The following E2F7 variants were observed in gnomAD, a reference collection of about 807,000 sequenced individuals.
E2F7 encodes the protein transcription factor E2F7.
A neutral mutation model predicts 81.1 loss-of-function variants in E2F7; 35 were observed. The ratio of observed to expected loss-of-function variants is 0.43; its 90% confidence interval spans 0.33 to 0.57. The LOEUF is 0.57. Ranked by LOEUF, E2F7 falls within the 20% of genes least tolerant of loss-of-function variation. The pLI is 0.04. For synonymous variants in E2F7, 416 were observed against 416.2 expected, an observed-to-expected ratio of 1.00 and a Z score of 0.01; for missense variants, 961 against 1,093.7, an observed-to-expected ratio of 0.88 and a Z score of 1.71.
chr12:77,029,684 G>T, intron 10 of E2F7, 147 bp downstream of exon 10: 1 of 1,314,664 alleles, frequency 7.6e-7, no homozygotes, highest in Non-Finnish European at 1.0e-6. Context: ...ATTTTTGGCA[G>T]AGCCACTCCA....
intron 2 of E2F7, among the ~76,000 whole-genome samples, chr12:77,060,414 T>C (rs1955068714): frequency 6.6e-6 from 1 of 152,208 alleles, no homozygotes; most frequent in Non-Finnish European, 1.5e-5. Context: ...ATAGGTAAAC[T>C]AGTTCATGCT....
Position 77,033,950 on chromosome 12 carries a change from C to A in E2F7, c.1216G>T (p.Ala406Ser), listed in dbSNP as rs776161589. 3.2e-5 allele frequency: 51 copies of A among 1,614,056 alleles called. No homozygotes were observed. Among genetic ancestry groups the A allele is most frequent in the Non-Finnish European group, 4.2e-5 (50 of 1,180,032 alleles). Residue 406 changes from alanine to serine, a missense_variant, in exon 8 of 13, where the codon GCT becomes TCT. Around this residue, in one of 3 missense-constraint regions of E2F7, gnomAD observed 587 missense variants for 620.3 expected, o/e 0.95. Transcript: ENST00000322886. ...QIQVCAKQKLARHGSFNTVQA... is the reference protein window; with the variant it reads ...QIQVCAKQKLSRHGSFNTVQA... The stretch of plus-strand genomic sequence containing the variant: ...ACTGTGTTAAAAGAACCATGGCGAG[C>A]CAGCTTCTGTTTTGCACAGACTTGA...
intron 10 of E2F7, 31 bp from the exon 11 acceptor site, chr12:77,028,169 G>A: frequency 1.3e-6 from 2 of 1,582,550 alleles, no homozygotes; most frequent in Non-Finnish European, 1.7e-6. Flanking sequence ...AAGCAAGAAA[G>A]TAAGTTAAAA....
In E2F7 at chr12:77,065,387, C is replaced by T. The variant is rs1374001804; in HGVS notation, c.-43G>A. 6.6e-6 allele frequency: 1 copy of T among 152,352 alleles called. No individual in the cohort carries two copies. The highest frequency in any genetic ancestry group is 1.5e-5 in the Non-Finnish European group (1 of 68,166). The allele number at this position is 152,352 out of a possible 1,614,324, so 9.4% of individuals were successfully genotyped here. On this transcript the variant is annotated 5_prime_UTR_variant, in exon 1 of 13. Coordinates refer to ENST00000322886, the MANE Select transcript of E2F7 (RefSeq NM_203394.3). ...GGCTTCCTGCCTCTGCAGGGACCTCCACGGACCCAAGCCGATGAGGGAAGG... is the reference window on the plus strand; with the variant it reads ...GGCTTCCTGCCTCTGCAGGGACCTCTACGGACCCAAGCCGATGAGGGAAGG...
At chr12:77,055,126 C>T (rs1357401434) in intron 3 of E2F7, among the ~76,000 whole-genome samples, 1 of 152,140 alleles carries the variant, frequency 6.6e-6, no homozygotes, top group Non-Finnish European at 1.5e-5. Context: ...TTACTACTAC[C>T]GCTACTCTAC....
At chr12:77,025,214 T>C (rs1173201734) in intron 12 of E2F7, among the ~76,000 whole-genome samples, 2 of 152,322 alleles carry the variant, frequency 1.3e-5, no homozygotes, top group Middle Eastern at 3.4e-3. Flanking sequence ...TTAGGGTAGC[T>C]TCTTTTATTG....
chr12:77,051,073 A>C (rs766910450), intron 3 of E2F7, among the ~76,000 whole-genome samples: 18 of 152,190 alleles, frequency 1.2e-4, no homozygotes, highest in Admixed American at 9.8e-4. Flanking sequence ...AGCTTGTGAG[A>C]TGTAGAAGCT....
chr12:77,031,980 T>C lies in E2F7; in HGVS notation c.1382+1070A>G, dbSNP rs532724105. Among the ~76,000 whole-genome samples the C allele has an allele frequency of 5.9e-5, 9 of 152,284 alleles. No individual in the cohort carries two copies. In the South Asian group the frequency reaches 1.9e-3, roughly 32 times the overall value. Reference sequence around the variant, plus strand: ...TCTCCATCTCCACCAATGACATCACTATCACCTGACATGCAGACATTCTTT... The same window carrying C: ...TCTCCATCTCCACCAATGACATCACCATCACCTGACATGCAGACATTCTTT... On this transcript the variant is annotated intron_variant, in intron 9 of 12. Transcript: ENST00000322886.
At chr12:77,028,769 G>A (rs147415433) in intron 10 of E2F7, among the ~76,000 whole-genome samples, 1,776 of 152,226 alleles carry the variant, frequency 0.012, 20 homozygotes, top group African/African-American at 0.04. Context: ...CACCGCGCCC[G>A]GCTGGGATTA....
intron 10 of E2F7, among the ~76,000 whole-genome samples, chr12:77,028,769 G>T (rs147415433): frequency 4.2e-4 from 64 of 152,228 alleles, no homozygotes; most frequent in African/African-American, 1.5e-3. Flanking sequence ...CACCGCGCCC[G>T]GCTGGGATTA....
chr12:77,034,604 A>C (rs577658753), intron 7 of E2F7, among the ~76,000 whole-genome samples: 36 of 152,370 alleles, frequency 2.4e-4, no homozygotes, highest in African/African-American at 8.2e-4. Flanking sequence ...GCTGCAGAAC[A>C]GTGAGATAAT....
chr12:77,025,456 A>G, intron 12 of E2F7, 102 bp downstream of exon 12: 1 of 1,353,662 alleles, frequency 7.4e-7, no homozygotes, highest in Non-Finnish European at 1.0e-6. Flanking sequence ...GTGGAGCCTG[A>G]CCTAGTGCCT....
chr12:77,036,580 T>C (rs927597934), intron 7 of E2F7, among the ~76,000 whole-genome samples: 1 of 151,496 alleles, frequency 6.6e-6, no homozygotes, highest in Non-Finnish European at 1.5e-5. Context: ...AGGAAAAAAA[T>C]CTTCAACGCA....
chr12:77,025,224 G>A (rs994163632), intron 12 of E2F7, among the ~76,000 whole-genome samples: 1 of 151,854 alleles, frequency 6.6e-6, no homozygotes. Flanking sequence ...TTCTTTTATT[G>A]ACCTAGTGAA....
At chr12:77,035,580 C>G (rs1013165680) in intron 7 of E2F7, among the ~76,000 whole-genome samples, 1 of 152,110 alleles carries the variant, frequency 6.6e-6, no homozygotes, top group African/African-American at 2.4e-5. Context: ...AAGCAAGACC[C>G]AAAAGCATCA....
At chr12:77,041,514 G>C (rs1160930977) in intron 7 of E2F7, among the ~76,000 whole-genome samples, 1 of 152,064 alleles carries the variant, frequency 6.6e-6, no homozygotes, top group South Asian at 2.1e-4. Context: ...TTCTTCAATG[G>C]TACGACCACC....
Position 77,025,789 on chromosome 12 carries a change from T to C in E2F7, c.2334A>G (p.Thr778=). 1 of 1,614,052 alleles carries C rather than the reference T, an allele frequency of 6.2e-7. No homozygotes were observed. The highest frequency in any genetic ancestry group is 8.5e-7 in the Non-Finnish European group (1 of 1,180,026). The part of the protein sequence containing the change: ...VSSTLGALPN[T]GPVNFSLPGL... ...CAGGCAAGCTGAAATTCACAGGTCCTGTGTTTGGGAGAGCACCAAGAGTAG... is the reference window on the plus strand; with the variant it reads ...CAGGCAAGCTGAAATTCACAGGTCCCGTGTTTGGGAGAGCACCAAGAGTAG... Residue 778 remains threonine (T), a synonymous_variant, in exon 12 of 13, where the codon ACA becomes ACG. Coordinates refer to ENST00000322886, the MANE Select transcript of E2F7 (RefSeq NM_203394.3).
chr12:77,064,300 CTT>C (rs1173905088), intron 2 of E2F7, among the ~76,000 whole-genome samples: 1 of 152,194 alleles, frequency 6.6e-6, no homozygotes, highest in African/African-American at 2.4e-5. Flanking sequence ...ATATTTTTGA[CTT>C]ATATAAATTG....
At chr12:77,060,513 G>A (rs1481997868) in intron 2 of E2F7, among the ~76,000 whole-genome samples, 1 of 152,164 alleles carries the variant, frequency 6.6e-6, no homozygotes, top group African/African-American at 2.4e-5. Context: ...AATATACACA[G>A]TCAAGTGTAT....
Sources: allele counts gnomAD v4.1 joint callset (sites outside exome capture counted in the v4.1 genomes callset), GRCh38; gene constraint gnomAD v4.1.1; regional missense constraint gnomAD v4.1.1; transcripts MANE v1.5; gene names NCBI Gene and HGNC (gene_info 2026-07-23, HGNC 2026-07-21).